The following LRBA variants were observed in gnomAD, a reference collection of about 807,000 sequenced individuals.
The protein encoded by LRBA is LPS responsive beige-like anchor protein, also known as lipopolysaccharide-responsive and beige-like anchor protein.
Under a neutral mutation model 330.0 loss-of-function variants are expected in LRBA, and 176 were observed. The ratio of observed to expected loss-of-function variants is 0.53; its 90% CI spans 0.47 to 0.60. The LOEUF (loss-of-function observed/expected upper bound fraction) is 0.60. Among genes scored for constraint, LRBA ranks in the 20% least tolerant of loss-of-function variants. LRBA has a pLI of 0.00. For missense variants in LRBA, 3,259 were observed against 3,444.8 expected (o/e 0.95, Z 1.35); for synonymous variants, 1,230 against 1,193.0 (o/e 1.03, Z -0.64).
rs570209045 is a variant in LRBA at position 150,387,512 on chromosome 4, T to C, written c.7194+27926A>G. On this transcript the variant is annotated intron_variant, in intron 47 of 56. Coordinates refer to ENST00000651943, the MANE Select transcript of LRBA (RefSeq NM_001364905.1). ...CCCTGTTGGCCTAAGAGTTGCTCAA[T>C]TCTCTCTTTTCTTCATCAGGGTTAT... Among the ~76,000 whole-genome samples the C allele has an allele frequency of 3.3e-5, 5 of 152,328 alleles. No homozygotes were observed. In the South Asian group the frequency reaches 1.0e-3, roughly 32 times the overall value.
At chr4:150,872,903 C>T (rs1753600365) in intron 17 of LRBA, 148 bp from the exon 18 acceptor site, 3 of 442,850 alleles carry the variant, frequency 6.8e-6, no homozygotes, top group South Asian at 8.3e-5. Context: ...AAAAAATCTG[C>T]TTATCTCAGG....
chr4:150,876,146 C>T (rs914139521), intron 17 of LRBA, among the ~76,000 whole-genome samples: 8 of 151,874 alleles, frequency 5.3e-5, no homozygotes, highest in East Asian at 1.9e-4. Flanking sequence ...GCCTGAAGAC[C>T]GATCTTTCAA....
chr4:150,654,547 AT>A (rs542609661), intron 37 of LRBA, among the ~76,000 whole-genome samples: 2 of 151,780 alleles, frequency 1.3e-5, no homozygotes, highest in South Asian at 4.2e-4. Context: ...CCTTAAAGTC[AT>A]TTTTTTTATT....
intron 34 of LRBA, among the ~76,000 whole-genome samples, chr4:150,793,004 C>T (rs557099527): frequency 6.6e-6 from 1 of 152,058 alleles, no homozygotes; most frequent in East Asian, 1.9e-4. Flanking sequence ...AGCTTGAACC[C>T]AGGAGGCGGA....
chr4:150,665,496 C>T (rs1239047781), intron 37 of LRBA, among the ~76,000 whole-genome samples: 1 of 152,002 alleles, frequency 6.6e-6, no homozygotes, highest in African/African-American at 2.4e-5. Context: ...ATATAATCAC[C>T]AACACAATCA....
At chr4:150,715,582 A>G (rs977299757) in intron 36 of LRBA, among the ~76,000 whole-genome samples, 1 of 152,232 alleles carries the variant, frequency 6.6e-6, no homozygotes, top group Non-Finnish European at 1.5e-5. Flanking sequence ...GTGTACTTAT[A>G]AAATACCACA....
chr4:150,758,839 T>C (rs1168504821), intron 35 of LRBA, among the ~76,000 whole-genome samples: 1 of 151,612 alleles, frequency 6.6e-6, no homozygotes, highest in African/African-American at 2.4e-5. Flanking sequence ...CCTCTCAAAG[T>C]GCTGGAATTA....
rs778567095 is a variant in LRBA, at chr4:150,583,167, G to A, written c.6330+4881C>T. The A allele has an allele frequency of 3.7e-6, 6 of 1,614,240 alleles. No individual in the cohort carries two copies. Among genetic ancestry groups the A allele is most frequent in the Non-Finnish European group, 5.1e-6 (6 of 1,180,030 alleles). On this transcript the variant is annotated intron_variant, in intron 40 of 56. Transcript: ENST00000651943. This position sits in a 1 kb window ranked among gnomAD's most constrained non-coding sequence, Gnocchi z 9.8. ...TCTCGGACGTGCTCAAGGAAGTGGA[G>A]GTGCAGGAGCCTCGCTTCATCAGCT... is the stretch of plus-strand genomic sequence containing the variant.
intron 36 of LRBA, among the ~76,000 whole-genome samples, chr4:150,717,505 C>T (rs1284293831): frequency 6.6e-6 from 1 of 151,220 alleles, no homozygotes; most frequent in Non-Finnish European, 1.5e-5. Context: ...AAAAACAAAA[C>T]AAAAATTAGC....
chr4:150,627,731 T>C (rs896154227), intron 37 of LRBA, among the ~76,000 whole-genome samples: 3 of 152,070 alleles, frequency 2.0e-5, no homozygotes, highest in Non-Finnish European at 2.9e-5. Context: ...ACATTCCTTT[T>C]ACATTTCCAA....
intron 52 of LRBA, among the ~76,000 whole-genome samples, chr4:150,309,432 AG>A (rs1453885299): frequency 1.3e-5 from 2 of 152,230 alleles, no homozygotes; most frequent in Non-Finnish European, 2.9e-5. Flanking sequence ...ACACGACTGT[AG>A]ATCAATTAGC....
intron 36 of LRBA, among the ~76,000 whole-genome samples, chr4:150,709,575 G>A (rs894765422): frequency 4.6e-5 from 7 of 151,906 alleles, no homozygotes; most frequent in South Asian, 4.1e-4. Flanking sequence ...GAAATCAAAT[G>A]TGTGGACTGT....
chr4:150,350,732 C>G (rs1198909739), intron 47 of LRBA, among the ~76,000 whole-genome samples: 2 of 152,160 alleles, frequency 1.3e-5, no homozygotes, highest in African/African-American at 2.4e-5. Context: ...AGGACCAGGA[C>G]TGGGCCTATC....
At chr4:150,373,981 A>G (rs915748087) in intron 47 of LRBA, among the ~76,000 whole-genome samples, 53 of 152,162 alleles carry the variant, frequency 3.5e-4, no homozygotes, top group African/African-American at 1.2e-3. Flanking sequence ...CTACCTAAAA[A>G]GAATTTATTC....
At chr4:150,378,322 TAC>T (rs1447581953) in intron 47 of LRBA, among the ~76,000 whole-genome samples, 2 of 152,324 alleles carry the variant, frequency 1.3e-5, no homozygotes, top group East Asian at 3.9e-4. Context: ...CTCTAAAAGG[TAC>T]ACAATAATAA....
At chr4:150,618,854 AT>A (rs1776028336) in intron 37 of LRBA, among the ~76,000 whole-genome samples, 1 of 132,018 alleles carries the variant, frequency 7.6e-6, no homozygotes, top group Non-Finnish European at 1.7e-5. Flanking sequence ...GTATGTATAT[AT>A]ATATATATAT....
At chr4:150,842,695 A>G (rs1749271330) in intron 28 of LRBA, among the ~76,000 whole-genome samples, 4 of 152,224 alleles carry the variant, frequency 2.6e-5, no homozygotes, top group African/African-American at 9.6e-5. Flanking sequence ...AGTTAAGATC[A>G]AAATTTCAAG....
Position 150,362,137 on chromosome 4 carries a change from T to C in LRBA, c.7195-11978A>G, listed in dbSNP as rs142554643. On this transcript the variant is annotated intron_variant, in intron 47 of 56. Transcript: ENST00000651943. ...ATTAATATATCAAAAACCAAATGAA[T>C]AGTATTTCCTCTGACACTTGCTCCT... is the stretch of plus-strand genomic sequence containing the variant. Among the ~76,000 whole-genome samples, 269 of 152,186 alleles carry C rather than the reference T, an allele frequency of 1.8e-3. 3 individuals are homozygous for C. The highest frequency in any genetic ancestry group is 6.2e-3 in the African/African-American group (256 of 41,518).
chr4:150,566,935 A>C (rs1344380337), intron 40 of LRBA, among the ~76,000 whole-genome samples: 1 of 152,156 alleles, frequency 6.6e-6, no homozygotes, highest in Non-Finnish European at 1.5e-5. Flanking sequence ...CAGTGGTTTC[A>C]GTTTTGTATA....
Sources: allele counts gnomAD v4.1 joint callset (sites outside exome capture counted in the v4.1 genomes callset), GRCh38; gene constraint gnomAD v4.1.1; non-coding constraint Gnocchi (gnomAD v3.1); transcripts MANE v1.5; gene names NCBI Gene and HGNC (gene_info 2026-07-23, HGNC 2026-07-21).